LAMC1: variants seen among roughly 807,000 people sequenced by gnomAD.
The protein encoded by LAMC1 is laminin subunit gamma-1.
LAMC1 carries 38 observed loss-of-function variants against 173.6 expected under a neutral mutation model. That is an observed-to-expected ratio of 0.22 (90% CI 0.17 to 0.29). The LOEUF (loss-of-function observed/expected upper bound fraction) is 0.29, where lower values mean the gene tolerates loss of function less well. Among genes scored for constraint, LAMC1 ranks in the 10% least tolerant of loss-of-function variants. The pLI, the probability that LAMC1 is intolerant of heterozygous loss-of-function variation, is 1.00. For synonymous variants in LAMC1, 746 were observed against 749.1 expected (o/e 1.00, Z 0.07); for missense variants, 1,824 against 2,051.8 (o/e 0.89, Z 2.14).
At chr1:183,124,946 T>C (rs558655665) in intron 14 of LAMC1, 70 bp downstream of exon 14, 2 of 1,555,116 alleles carry the variant, frequency 1.3e-6, no homozygotes, top group South Asian at 1.2e-5. Flanking sequence ...TGTGTGTCTC[T>C]TAAAATATGT....
intron 20 of LAMC1, 36 bp downstream of exon 20, chr1:183,131,414 G>T (rs1656783010): frequency 1.7e-6 from 2 of 1,203,690 alleles, no homozygotes; most frequent in South Asian, 1.3e-5. Context: ...GTTAAGTTGT[G>T]GCTTCTGTTA....
At chr1:183,129,008 AT>A (rs1470984286) in intron 18 of LAMC1, among the ~76,000 whole-genome samples, 1 of 151,960 alleles carries the variant, frequency 6.6e-6, no homozygotes, top group Non-Finnish European at 1.5e-5. Context: ...CATTTTATGA[AT>A]CTGTTCTATT....
chr1:183,028,163 C>T (rs960866916), intron 1 of LAMC1, among the ~76,000 whole-genome samples: 1 of 151,404 alleles, frequency 6.6e-6, no homozygotes, highest in African/African-American at 2.4e-5. Context: ...TCCCCCCCCC[C>T]ACCTCTTCCA....
chr1:183,059,125 T>C (rs555151680), intron 1 of LAMC1, among the ~76,000 whole-genome samples: 1 of 152,342 alleles, frequency 6.6e-6, no homozygotes, highest in East Asian at 1.9e-4. Flanking sequence ...GGTAGTGAAG[T>C]GGCCTCTAGC....
At position 183,130,475 on chromosome 1, in the gene LAMC1, G is replaced by T. The variant is rs573452484; in HGVS notation, c.3412G>T (p.Val1138Leu). 6.2e-7 allele frequency: 1 copy of T among 1,614,190 alleles called. No individual in the cohort carries two copies. The highest frequency in any genetic ancestry group is 8.5e-7 in the Non-Finnish European group (1 of 1,180,012). Residue 1138 changes from valine to leucine, a missense_variant, in exon 19 of 28, where the codon GTA (valine) becomes TTA (leucine). Transcript: ENST00000258341. ...CTTGGCTGAACAAGCGCGTGCCCAT[G>T]TAGAGAACACAGAGCGGTTGATTGA... is the stretch of plus-strand genomic sequence containing the variant. ...GNLAEQARAHVENTERLIEIA... is the reference protein window; with the variant it reads ...GNLAEQARAHLENTERLIEIA...
intron 11 of LAMC1, among the ~76,000 whole-genome samples, chr1:183,118,552 G>C (rs1005986441): frequency 6.6e-6 from 1 of 151,916 alleles, no homozygotes; most frequent in Non-Finnish European, 1.5e-5. Flanking sequence ...GTGGAACCCC[G>C]TCTCTATTAA....
chr1:183,076,307 C>T (rs575157718), intron 1 of LAMC1, among the ~76,000 whole-genome samples: 22 of 152,270 alleles, frequency 1.4e-4, no homozygotes, highest in African/African-American at 3.9e-4. Flanking sequence ...AGCTTCCTTT[C>T]GTTTTCCTTT....
intron 1 of LAMC1, among the ~76,000 whole-genome samples, chr1:183,036,223 C>T (rs1366239939): frequency 2.0e-5 from 3 of 151,566 alleles, no homozygotes; most frequent in Non-Finnish European, 4.4e-5. Context: ...CTCAGCCTCC[C>T]GAGTAGCTGG....
At chr1:183,111,163 T>G (rs1656139728) in intron 4 of LAMC1, among the ~76,000 whole-genome samples, 1 of 151,650 alleles carries the variant, frequency 6.6e-6, no homozygotes, top group African/African-American at 2.4e-5. Flanking sequence ...CTCAACTCAC[T>G]GCAACTTCCA....
At chr1:183,127,743 G>T (rs1656660179) in intron 17 of LAMC1, among the ~76,000 whole-genome samples, 1 of 152,144 alleles carries the variant, frequency 6.6e-6, no homozygotes, top group Admixed American at 6.5e-5. Flanking sequence ...AAGGAACCTG[G>T]TATACAGAGG....
rs1547714 is a variant in LAMC1, at chr1:183,144,984, C to T, written c.*2194C>T. ...TCTTCTACTATGGCAGGAGATGTGGCGTGCTGTTGCAAAGTTTTCACGTCA... is the reference window on the plus strand; with the variant it reads ...TCTTCTACTATGGCAGGAGATGTGGTGTGCTGTTGCAAAGTTTTCACGTCA... On this transcript the variant is annotated 3_prime_UTR_variant, in exon 28 of 28. Transcript: ENST00000258341. 80,813 of 152,038 alleles carry T rather than the reference C, an allele frequency of 0.53. 21,975 individuals carry two copies. Among genetic ancestry groups the T allele is most frequent in the South Asian group, 0.65 (3,111 of 4,814 alleles). The allele number at this position is 152,038 out of a possible 1,614,324, so 9.4% of individuals were successfully genotyped here.
chr1:183,038,508 G>A (rs1654042950), intron 1 of LAMC1, among the ~76,000 whole-genome samples: 1 of 152,048 alleles, frequency 6.6e-6, no homozygotes, highest in South Asian at 2.1e-4. Context: ...ATGCATAAAT[G>A]TTTTCTCAGG....
intron 11 of LAMC1, among the ~76,000 whole-genome samples, chr1:183,120,916 G>A (rs1656453525): frequency 2.0e-5 from 3 of 152,060 alleles, no homozygotes; most frequent in South Asian, 2.1e-4. Flanking sequence ...TTTCCCTTCT[G>A]TCTTACCCTT....
chr1:183,096,654 G>A (rs1035400851), intron 1 of LAMC1: 1 of 152,142 alleles, frequency 6.6e-6, no homozygotes, highest in Non-Finnish European at 1.5e-5. Flanking sequence ...CATAAATTTA[G>A]TTAGGAATTA....
At chr1:183,117,279 T>A in intron 8 of LAMC1, 41 bp from the exon 9 acceptor site, 1 of 1,576,540 alleles carries the variant, frequency 6.3e-7, no homozygotes, top group Non-Finnish European at 8.6e-7. Context: ...TTCAGGATGT[T>A]TACAGTGTAA....
At chr1:183,073,950 G>A (rs1655068874) in intron 1 of LAMC1, among the ~76,000 whole-genome samples, 1 of 152,170 alleles carries the variant, frequency 6.6e-6, no homozygotes, top group Admixed American at 6.5e-5. Flanking sequence ...AAACAACCTT[G>A]TAATTCTGGA....
intron 26 of LAMC1, among the ~76,000 whole-genome samples, chr1:183,139,346 A>AT (rs1657040151): frequency 6.6e-6 from 1 of 152,130 alleles, no homozygotes; most frequent in African/African-American, 2.4e-5. Context: ...TCTGTATTGT[A>AT]TTTTTTAACC....
chr1:183,106,355 A>G (rs1655978233), intron 2 of LAMC1, among the ~76,000 whole-genome samples: 2 of 152,256 alleles, frequency 1.3e-5, no homozygotes, highest in South Asian at 4.1e-4. Flanking sequence ...GGCCATGAGT[A>G]GGAGTTGTTA....
At chr1:183,135,718 T>TA (rs200215561) in intron 24 of LAMC1, among the ~76,000 whole-genome samples, 56 of 150,284 alleles carry the variant, frequency 3.7e-4, no homozygotes, top group Non-Finnish European at 5.2e-4. Context: ...CCCATCTCTA[T>TA]AAAAAAAAAT....
Sources: gnomAD v4.1 joint callset for allele counts (sites outside exome capture counted in the v4.1 genomes callset) on GRCh38, gnomAD v4.1.1 for gene constraint, MANE v1.5 for transcripts, NCBI Gene and HGNC (gene_info 2026-07-23, HGNC 2026-07-21) for gene names.